MYO16: variants seen among roughly 807,000 people sequenced by gnomAD.
MYO16 encodes myosin XVI.
In MYO16, 94 loss-of-function variants were observed where a neutral mutation model predicts 205.3. The ratio of observed to expected loss-of-function variants is 0.46; its 90% confidence interval spans 0.39 to 0.54. The LOEUF (loss-of-function observed/expected upper bound fraction) is 0.54, where lower values mean the gene tolerates loss of function less well. Among genes scored for constraint, MYO16 ranks in the 20% least tolerant of loss-of-function variants. The pLI is 0.00. For missense variants in MYO16, 2,315 were observed against 2,387.5 expected, an observed-to-expected ratio of 0.97 and a Z score of 0.63; for synonymous variants, 988 against 954.0, an observed-to-expected ratio of 1.04 and a Z score of -0.66.
At chr13:108,965,657 C>T (rs1477753627) in intron 20 of MYO16, among the ~76,000 whole-genome samples, 4 of 152,178 alleles carry the variant, frequency 2.6e-5, no homozygotes, top group South Asian at 4.1e-4. Context: ...CCGCCTGCCT[C>T]GGCCTCCCAA....
rs1886055107 is a variant in MYO16 at position 109,022,208 on chromosome 13, AT to A, written c.2796+2302del. Among the ~76,000 whole-genome samples, 2 of 138,222 alleles carry A rather than the reference AT, an allele frequency of 1.4e-5. 1 individual carries two copies. Among genetic ancestry groups the A allele is most frequent in the African/African-American group, 5.4e-5 (2 of 36,988 alleles). The allele number at this position is 138,222 out of a possible 152,430, so 90.7% of individuals were successfully genotyped here. A position where few individuals can be genotyped will look rare whatever the true frequency, so the allele number is the denominator to read the frequency against. On this transcript the variant is annotated intron_variant, in intron 23 of 34. Coordinates refer to ENST00000457511, the MANE Select transcript of MYO16 (RefSeq NM_001198950.3). Reference sequence around the variant, plus strand: ...ATTATATATTTATAATGTATTTATAATTTTTATATTTATATATTATATATAT... The same window carrying A: ...ATTATATATTTATAATGTATTTATAATTTTATATTTATATATTATATATAT...
chr13:108,579,589 C>T, the MYO16 span, among the ~76,000 whole-genome samples: 1 of 151,882 alleles, frequency 6.6e-6, no homozygotes, highest in Non-Finnish European at 1.5e-5. Flanking sequence ...TACAGGCGCC[C>T]TCCATCACAT....
At chr13:108,619,663 A>G (rs928543655) in intron 1 of MYO16, among the ~76,000 whole-genome samples, 1 of 152,134 alleles carries the variant, frequency 6.6e-6, no homozygotes, top group Non-Finnish European at 1.5e-5. Flanking sequence ...AGAAAGGGGA[A>G]GGGACTGATC....
At chr13:108,566,413 T>C in the MYO16 span, among the ~76,000 whole-genome samples, 1 of 152,146 alleles carries the variant, frequency 6.6e-6, no homozygotes, top group Non-Finnish European at 1.5e-5. Flanking sequence ...GAGTTTTTTC[T>C]CTTTTTTTCT....
chr13:109,065,528 A>G (rs1887718761), intron 27 of MYO16: 3 of 387,524 alleles, frequency 7.7e-6, no homozygotes, highest in Non-Finnish European at 5.0e-6. Context: ...GCCATGCTGA[A>G]AAAAAAAAAA....
At chr13:108,938,550 CT>C (rs1759344768) in intron 16 of MYO16, among the ~76,000 whole-genome samples, 1 of 152,238 alleles carries the variant, frequency 6.6e-6, no homozygotes, top group Admixed American at 6.5e-5. Flanking sequence ...CCCAAGTTCT[CT>C]GCAGAGAGAT....
chr13:109,025,069 T>TG (rs1181727898), intron 23 of MYO16, among the ~76,000 whole-genome samples: 18 of 152,098 alleles, frequency 1.2e-4, no homozygotes, highest in Non-Finnish European at 2.6e-4. Context: ...TCAATGGCCC[T>TG]GGGGTTCTTG....
chr13:108,539,595 T>C, the MYO16 span, among the ~76,000 whole-genome samples: 1 of 152,112 alleles, frequency 6.6e-6, no homozygotes, highest in Non-Finnish European at 1.5e-5. Flanking sequence ...ATTACAGTAG[T>C]TGTGTGCAGA....
At chr13:108,615,637 T>C (rs10162202) in intron 1 of MYO16, among the ~76,000 whole-genome samples, 57,353 of 152,022 alleles carry the variant, frequency 0.38, 12,142 homozygotes, top group African/African-American at 0.57. Context: ...AAGGACATAT[T>C]GATCCATGCT....
At chr13:108,889,743 T>G (rs2139184255) in intron 14 of MYO16, among the ~76,000 whole-genome samples, 1 of 152,326 alleles carries the variant, frequency 6.6e-6, no homozygotes, top group Admixed American at 6.5e-5. Context: ...CCACCCTTGC[T>G]TATGCTGATG....
chr13:108,973,572 A>G (rs185484317), intron 20 of MYO16, among the ~76,000 whole-genome samples: 1 of 152,282 alleles, frequency 6.6e-6, no homozygotes, highest in African/African-American at 2.4e-5. Context: ...TGTGTCCCCA[A>G]GTCCGACTGA....
rs9583283 is a variant in MYO16, at chr13:108,705,594, T to C, written c.293-7067T>C. Among the ~76,000 whole-genome samples, 753 of 152,302 alleles carry C rather than the reference T, an allele frequency of 4.9e-3. 4 individuals carry two copies. The highest frequency in any genetic ancestry group is 0.017 in the African/African-American group (726 of 41,566). ...TTATGAATTAAATTTTATAAGTGTG[T>C]GTGTATAGGAAAATCATAGCATATA... On this transcript the variant is annotated intron_variant, in intron 2 of 34. Coordinates refer to ENST00000457511, the MANE Select transcript of MYO16 (RefSeq NM_001198950.3).
chr13:108,583,033 A>C, the MYO16 span, among the ~76,000 whole-genome samples: 1 of 152,172 alleles, frequency 6.6e-6, no homozygotes, highest in African/African-American at 2.4e-5. Flanking sequence ...GTTTATGAAT[A>C]AATATTAGAA....
At chr13:108,844,613 T>C in intron 10 of MYO16, 120 bp downstream of exon 10, 1 of 987,046 alleles carries the variant, frequency 1.0e-6, no homozygotes, top group South Asian at 2.7e-5. Context: ...AATTAATGCA[T>C]AGATTAATAT....
intron 2 of MYO16, among the ~76,000 whole-genome samples, chr13:108,670,850 T>A (rs1187045011): frequency 6.6e-6 from 1 of 152,220 alleles, no homozygotes; most frequent in Non-Finnish European, 1.5e-5. Flanking sequence ...GAATATAATA[T>A]AATCTTATCA....
chr13:108,945,262 T>C (rs1882891907), intron 16 of MYO16, among the ~76,000 whole-genome samples: 1 of 152,140 alleles, frequency 6.6e-6, no homozygotes, highest in African/African-American at 2.4e-5. Flanking sequence ...TTAATGTAAA[T>C]GTATGATGAC....
intron 2 of MYO16, among the ~76,000 whole-genome samples, chr13:108,694,822 A>G: frequency 6.6e-6 from 1 of 152,196 alleles, no homozygotes; most frequent in East Asian, 1.9e-4. Flanking sequence ...TTCTAAGAGT[A>G]TTAGAGTTGG....
chr13:108,517,199 G>C, the MYO16 span, among the ~76,000 whole-genome samples: 1 of 152,128 alleles, frequency 6.6e-6, no homozygotes, highest in Non-Finnish European at 1.5e-5. Flanking sequence ...CAAAGTGCTG[G>C]GATTACACAC....
At chr13:108,949,661 A>G (rs1475842211) in intron 16 of MYO16, among the ~76,000 whole-genome samples, 2 of 152,216 alleles carry the variant, frequency 1.3e-5, no homozygotes, top group Non-Finnish European at 1.5e-5. Context: ...TAAGACACGT[A>G]TGGAAGCTTA....
Sources: gnomAD v4.1 joint callset for allele counts (sites outside exome capture counted in the v4.1 genomes callset) on GRCh38, gnomAD v4.1.1 for gene constraint, MANE v1.5 for transcripts, NCBI Gene and HGNC (gene_info 2026-07-23, HGNC 2026-07-21) for gene names.